Variants in MZF1 observed in about 807,000 individuals in gnomAD.
The protein encoded by MZF1 is myeloid zinc finger 1.
Under a neutral mutation model 28.6 loss-of-function variants are expected in MZF1, and 24 were observed. That is an observed-to-expected ratio of 0.84 (90% CI 0.61 to 1.18). The LOEUF is 1.18. Among genes scored for constraint, MZF1 ranks in the 50% most tolerant of loss-of-function variants. MZF1 has a pLI of 0.00. For synonymous variants in MZF1, 516 were observed against 432.5 expected (o/e 1.19, Z -2.40); for missense variants, 1,166 against 1,026.4 (o/e 1.14, Z -1.86).
chr19:58,564,895 T>G (rs936323681), intron 5 of MZF1, among the ~76,000 whole-genome samples: 1 of 114,100 alleles, frequency 8.8e-6, no homozygotes, highest in African/African-American at 4.4e-5. Flanking sequence ...TAAGCATCCA[T>G]GTGTGTGTTT....
chr19:58,569,661 G>T, intron 3 of MZF1, 75 bp from the exon 4 acceptor site: 2 of 1,295,184 alleles, frequency 1.5e-6, no homozygotes, highest in Non-Finnish European at 1.1e-6. Flanking sequence ...TGTGCCAGGT[G>T]CTGGGATGCA....
At chr19:58,570,022 A>G (rs972075783) in intron 3 of MZF1, 2 of 325,176 alleles carry the variant, frequency 6.2e-6, no homozygotes, top group Non-Finnish European at 1.1e-5. Flanking sequence ...TTCCCCAGTG[A>G]CAAGCACATA....
At position 58,564,898 on chromosome 19, in the gene MZF1, GTGTGTTTTTTTTTTTTTTT is replaced by G. The variant is rs1349555883; in HGVS notation, c.773-1413_773-1395del. On this transcript the variant is annotated intron_variant, in intron 5 of 5. Coordinates refer to ENST00000215057, the MANE Select transcript of MZF1 (RefSeq NM_198055.2). Reference sequence around the variant, plus strand: ...CAGGGTGGAGAATAAGCATCCATGTGTGTGTTTTTTTTTTTTTTTTTTTTTTTTTTTTTTTTTTTTGAGA... The same window carrying G: ...CAGGGTGGAGAATAAGCATCCATGTGTTTTTTTTTTTTTTTTTTTTTGAGA... Among the ~76,000 whole-genome samples the G allele has an allele frequency of 1.4e-4, 13 of 91,950 alleles. 1 individual carries two copies. The highest frequency in any genetic ancestry group is 6.9e-4 in the African/African-American group (13 of 18,950). The allele number at this position is 91,950 out of a possible 152,430, so 60.3% of individuals were successfully genotyped here. A position where few individuals can be genotyped will look rare whatever the true frequency, so the allele number is the denominator to read the frequency against.
intron 1 of MZF1, 82 bp from the exon 2 acceptor site, chr19:58,571,511 C>A: frequency 7.9e-7 from 1 of 1,264,964 alleles, no homozygotes; most frequent in Non-Finnish European, 1.1e-6. Flanking sequence ...ACCGTTTGAT[C>A]CTCAGACCTA....
intron 3 of MZF1, 92 bp downstream of exon 3, chr19:58,570,252 C>G: frequency 1.5e-5 from 20 of 1,352,208 alleles, no homozygotes; most frequent in Non-Finnish European, 1.9e-5. Flanking sequence ...TTATAACAAA[C>G]CTGGCCCAGT....
chr19:58,562,485 C>T lies in MZF1; in HGVS notation c.1792G>A (p.Ala598Thr), dbSNP rs774396292. ...AAGCGCTGGCCACACTCGGGGCAGG[C>T]AAAGGGTTTCTCGCCCGTGTGTACG... ...LRVHTGEKPF[A>T]CPECGQRFSQ... The change falls in exon 6 of 6, where the codon GCC becomes ACC. Residue 598 changes from alanine to threonine, a missense_variant. Coordinates refer to ENST00000215057, the MANE Select transcript of MZF1 (RefSeq NM_198055.2). 3 of 1,610,712 alleles carry T rather than the reference C, an allele frequency of 1.9e-6. No homozygotes were observed. The South Asian group carries it at 3.3e-5, about 18-fold the overall frequency.
rs1419654460 is a variant in MZF1 at position 58,571,309 on chromosome 19, A to G, written c.81T>C (p.Ser27=). The change falls in exon 2 of 6, where the codon TCT becomes TCC. Residue 27 remains serine, a synonymous_variant. Coordinates refer to ENST00000215057, the MANE Select transcript of MZF1 (RefSeq NM_198055.2). ...EGPVMVKLED[S]EEEGEAALWD... ...ATAAGGCAGCCTCACCCTCCTCCTC[A>G]GAGTCCTCTAGCTTCACCATGACAG... 6.2e-7 allele frequency: 1 copy of G among 1,614,010 alleles called. No homozygotes were observed. Among genetic ancestry groups the G allele is most frequent in the Admixed American group, 1.7e-5 (1 of 60,012 alleles).
intron 5 of MZF1, chr19:58,568,322 A>C (rs552395967): frequency 6.6e-6 from 1 of 152,328 alleles, no homozygotes; most frequent in African/African-American, 2.4e-5. Flanking sequence ...ATTTCCAGGA[A>C]AATAGAGTAG....
At position 58,569,390 on chromosome 19, in the gene MZF1, C is replaced by T. The variant is rs903358256; in HGVS notation, c.659G>A (p.Gly220Glu). 1.2e-6 allele frequency: 2 copies of T among 1,614,036 alleles called. No individual in the cohort carries two copies. The highest frequency in any genetic ancestry group is 1.7e-5 in the Admixed American group (1 of 60,010). Reference sequence around the variant, plus strand: ...GGGAAAGATCTGGTCCAGCACGGTCCCACATCTCTGAAATCACAGTGGTCA... The same window carrying T: ...GGGAAAGATCTGGTCCAGCACGGTCTCACATCTCTGAAATCACAGTGGTCA... ...TLLPEEAQRC[G>E]TVLDQIFPHS... Residue 220 changes from glycine to glutamate, a missense_variant, in exon 5 of 6, where the codon GGG (glycine) becomes GAG (glutamate). Coordinates refer to ENST00000215057, the MANE Select transcript of MZF1 (RefSeq NM_198055.2).
chr19:58,565,827 G>C (rs563692156), intron 5 of MZF1, among the ~76,000 whole-genome samples: 2 of 147,146 alleles, frequency 1.4e-5, no homozygotes, highest in African/African-American at 2.5e-5. Flanking sequence ...GTGCCGCGCC[G>C]GGCCCATGTG....
At chr19:58,572,750 G>T in intron 1 of MZF1, 1 of 614,748 alleles carries the variant, frequency 1.6e-6, no homozygotes, top group Non-Finnish European at 2.5e-6. Flanking sequence ...AGCCAAGATG[G>T]CAGGTACCTA....
At chr19:58,568,916 C>G (rs2054105698) in intron 5 of MZF1, 2 of 195,938 alleles carry the variant, frequency 1.0e-5, no homozygotes, top group Admixed American at 5.3e-5. Flanking sequence ...TTGTCAGGTC[C>G]CAGCCCTACC....
chr19:58,573,564 G>A (rs1041332547), upstream of MZF1: 4 of 152,398 alleles, frequency 2.6e-5, no homozygotes, highest in African/African-American at 7.2e-5. Context: ...GGCCCTTCGT[G>A]TGTACGTGCG....
chr19:58,571,778 C>T (rs573197821), intron 1 of MZF1: 4 of 191,398 alleles, frequency 2.1e-5, no homozygotes, highest in Admixed American at 1.6e-4. Context: ...ACCTCCCGGG[C>T]TCCAGAGATC....
chr19:58,567,203 T>C (rs2054075017), intron 5 of MZF1, among the ~76,000 whole-genome samples: 1 of 152,196 alleles, frequency 6.6e-6, no homozygotes, highest in South Asian at 2.1e-4. Flanking sequence ...CGGCTGCGCC[T>C]GGCTAAGAAG....
intron 5 of MZF1, among the ~76,000 whole-genome samples, chr19:58,567,621 C>G (rs996796059): frequency 2.0e-5 from 3 of 152,202 alleles, no homozygotes; most frequent in Non-Finnish European, 4.4e-5. Context: ...CCCTATGGAT[C>G]TGTTTGCAGC....
At chr19:58,563,639 G>A in intron 5 of MZF1, 135 bp from the exon 6 acceptor site, 2 of 672,684 alleles carry the variant, frequency 3.0e-6, no homozygotes, top group Non-Finnish European at 4.9e-6. Context: ...ACAAATGCAG[G>A]GGTAGGGATT....
At chr19:58,564,553 G>C (rs1872879452) in intron 5 of MZF1, 1 of 152,226 alleles carries the variant, frequency 6.6e-6, no homozygotes. Flanking sequence ...GCACCTTAGG[G>C]CTGAACTCAT....
At chr19:58,566,311 G>A (rs988349194) in intron 5 of MZF1, among the ~76,000 whole-genome samples, 2 of 152,034 alleles carry the variant, frequency 1.3e-5, no homozygotes, top group African/African-American at 4.8e-5. Flanking sequence ...AGCTGGGCGT[G>A]GTGGAGCATG....
Sources: allele counts gnomAD v4.1 joint callset (sites outside exome capture counted in the v4.1 genomes callset), GRCh38; gene constraint gnomAD v4.1.1; transcripts MANE v1.5; gene names NCBI Gene and HGNC (gene_info 2026-07-23, HGNC 2026-07-21).